Variants in NRK observed in about 807,000 individuals in gnomAD.
The protein encoded by NRK is Nik related kinase, also known as nik-related protein kinase.
NRK carries 67 observed loss-of-function variants against 125.2 expected under a neutral mutation model. The ratio of observed to expected loss-of-function variants is 0.54; its 90% CI spans 0.44 to 0.66. The LOEUF (loss-of-function observed/expected upper bound fraction) is 0.66, where lower values mean the gene tolerates loss of function less well. Among genes scored for constraint, NRK ranks in the 30% least tolerant of loss-of-function variants. The probability of loss-of-function intolerance (pLI) is 0.00; values close to 1 mark genes in which losing one functional copy is unlikely to be tolerated. For synonymous variants in NRK, 458 were observed against 429.0 expected (o/e 1.07, Z -0.84); for missense variants, 1,224 against 1,192.9 (o/e 1.03, Z -0.38).
intron 18 of NRK, 54 bp downstream of exon 18, chrX:105,923,536 T>A: frequency 1.1e-6 from 1 of 924,311 alleles, no homozygotes; most frequent in Non-Finnish European, 1.4e-6. Context: ...GCAGAGCTAT[T>A]TGCATTTTTG....
intron 9 of NRK, among the ~76,000 whole-genome samples, chrX:105,904,925 T>G (rs1267454851): frequency 8.9e-6 from 1 of 112,063 alleles, no homozygotes; most frequent in Non-Finnish European, 1.9e-5. Flanking sequence ...ATTTTATAAC[T>G]AAATACCTGC....
chrX:105,851,178 G>A (rs2039467283), intron 2 of NRK, among the ~76,000 whole-genome samples: 1 of 111,812 alleles, frequency 8.9e-6, no homozygotes, highest in African/African-American at 3.3e-5. Context: ...GTATTTCTGT[G>A]GTTCTTAAGT....
chrX:105,838,967 C>A (rs2039298477), intron 2 of NRK, among the ~76,000 whole-genome samples: 3 of 111,080 alleles, frequency 2.7e-5, no homozygotes, highest in African/African-American at 9.8e-5. Context: ...CTTTTATTTG[C>A]AAACCTCACC....
chrX:105,894,681 T>A (rs746864060), intron 6 of NRK, among the ~76,000 whole-genome samples: 1 of 112,110 alleles, frequency 8.9e-6, no homozygotes, highest in African/African-American at 3.2e-5. Flanking sequence ...CAAGGCTCAC[T>A]TTCCTCATCT....
At chrX:105,942,416 C>G (rs2040755657) in intron 23 of NRK, among the ~76,000 whole-genome samples, 1 of 111,299 alleles carries the variant, frequency 9.0e-6, no homozygotes, top group African/African-American at 3.3e-5. Flanking sequence ...TTTTTTTATT[C>G]TAGCCATCCC....
intron 23 of NRK, among the ~76,000 whole-genome samples, chrX:105,941,525 A>G (rs1475440452): frequency 9.6e-6 from 1 of 103,761 alleles, no homozygotes; most frequent in Non-Finnish European, 2.0e-5. Flanking sequence ...AAGAAAATGC[A>G]AGAGTAAGCT....
Position 105,822,591 on chromosome X carries a change from C to T in NRK, c.-255C>T. ...CCTTCTAGCTTCTTCGTCTCCAGGA[C>T]TGACGCTCAGGCTCCTCTCTCGCCT... On this transcript the variant is annotated 5_prime_UTR_variant, in exon 1 of 29. Coordinates refer to ENST00000243300, the MANE Select transcript of NRK (RefSeq NM_198465.4). The T allele has an allele frequency of 4.7e-6, 2 of 425,743 alleles. No individual in the cohort carries two copies. Among genetic ancestry groups the T allele is most frequent in the Non-Finnish European group, 8.3e-6 (2 of 241,419 alleles). The allele number at this position is 425,743 out of a possible 1,213,427, so 35.1% of individuals were successfully genotyped here. A position where few individuals can be genotyped will look rare whatever the true frequency, so the allele number is the denominator to read the frequency against.
At chrX:105,900,714 T>C (rs1287852025) in intron 9 of NRK, 42 bp downstream of exon 9, 7 of 798,389 alleles carry the variant, frequency 8.8e-6, no homozygotes, top group Non-Finnish European at 1.3e-5. Context: ...ATTAGGGAAA[T>C]GTACTGTACA....
intron 27 of NRK, among the ~76,000 whole-genome samples, 159 bp downstream of exon 27, chrX:105,949,893 G>C (rs1271581853): frequency 1.8e-5 from 2 of 111,728 alleles, no homozygotes; most frequent in Non-Finnish European, 3.8e-5. Context: ...GGTGATGCCT[G>C]TATTTGTCCT....
chrX:105,855,699 A>G (rs2039523244), intron 2 of NRK, among the ~76,000 whole-genome samples: 2 of 112,100 alleles, frequency 1.8e-5, no homozygotes, highest in Non-Finnish European at 3.8e-5. Context: ...ACACTGACAG[A>G]AAGATGAGAT....
intron 4 of NRK, among the ~76,000 whole-genome samples, chrX:105,885,985 G>T (rs748014833): frequency 9.0e-6 from 1 of 110,547 alleles, no homozygotes; most frequent in African/African-American, 3.3e-5. Context: ...TCCTACTCTG[G>T]GCTATCAGTG....
chrX:105,900,703 G>T lies in NRK; in HGVS notation c.766+31G>T, dbSNP rs753174982. 26 of 907,781 alleles carry T rather than the reference G, an allele frequency of 2.9e-5. No homozygotes were observed. In the Admixed American group the frequency reaches 6.4e-4, roughly 22 times the overall value. The allele number at this position is 907,781 out of a possible 1,213,427, so 74.8% of individuals were successfully genotyped here. ...TAAAAAATGTTTGATATTTGTTAAA[G>T]ATTAGGGAAATGTACTGTACAAATC... is the stretch of plus-strand genomic sequence containing the variant. On this transcript the variant is annotated intron_variant, in intron 9 of 28. Coordinates refer to ENST00000243300, the MANE Select transcript of NRK (RefSeq NM_198465.4).
intron 22 of NRK, among the ~76,000 whole-genome samples, chrX:105,939,021 A>G (rs766092285): frequency 1.3e-4 from 14 of 111,062 alleles, no homozygotes; most frequent in Middle Eastern, 4.2e-3. Context: ...TAACTGCCCC[A>G]TGGTTCAATT....
chrX:105,929,927 T>C (rs921142902), intron 19 of NRK, among the ~76,000 whole-genome samples: 2 of 111,919 alleles, frequency 1.8e-5, no homozygotes, highest in African/African-American at 6.5e-5. Context: ...TTGTAAGGTT[T>C]CTGTTCAGAA....
intron 1 of NRK, among the ~76,000 whole-genome samples, chrX:105,828,200 C>T (rs2039140599): frequency 8.9e-6 from 1 of 111,743 alleles, no homozygotes; most frequent in Non-Finnish European, 1.9e-5. Context: ...CTAAAGAAAA[C>T]AATATAGTCT....
intron 2 of NRK, among the ~76,000 whole-genome samples, chrX:105,877,423 C>A (rs979950606): frequency 1.2e-4 from 13 of 111,044 alleles, no homozygotes; most frequent in African/African-American, 4.2e-4. Context: ...AGTATTATAC[C>A]AATATTAATT....
intron 2 of NRK, among the ~76,000 whole-genome samples, chrX:105,854,320 C>T (rs763723190): frequency 8.9e-6 from 1 of 111,820 alleles, no homozygotes; most frequent in Non-Finnish European, 1.9e-5. Context: ...AATAAATAAA[C>T]CTTGTCAATC....
At position 105,953,049 on chromosome X, in the gene NRK, A is replaced by G; in HGVS notation, c.4529A>G (p.Gln1510Arg). ...IPSSIAFECT[Q>R]RTTGWGQKAI... ...TGTATTGTAGCTTTTGAATGTACACAGCGAACCACAGGATGGGGCCAAAAG... is the reference window on the plus strand; with the variant it reads ...TGTATTGTAGCTTTTGAATGTACACGGCGAACCACAGGATGGGGCCAAAAG... The change falls in exon 28 of 29, where the codon CAG becomes CGG. Residue 1510 changes from glutamine to arginine, a missense_variant. Coordinates refer to ENST00000243300, the MANE Select transcript of NRK (RefSeq NM_198465.4). The G allele has an allele frequency of 8.4e-7, 1 of 1,184,317 alleles. No individual in the cohort carries two copies. Among genetic ancestry groups the G allele is most frequent in the Non-Finnish European group, 1.1e-6 (1 of 877,791 alleles).
intron 2 of NRK, among the ~76,000 whole-genome samples, chrX:105,848,876 A>T (rs1272099225): frequency 8.9e-6 from 1 of 112,299 alleles, no homozygotes; most frequent in Admixed American, 9.5e-5. Context: ...ATTTTCCAGA[A>T]TCTGTTTCCA....
Sources: gnomAD v4.1 joint callset for allele counts (sites outside exome capture counted in the v4.1 genomes callset) on GRCh38, gnomAD v4.1.1 for gene constraint, MANE v1.5 for transcripts, NCBI Gene and HGNC (gene_info 2026-07-23, HGNC 2026-07-21) for gene names.